Variants in ST18 observed in about 807,000 individuals in gnomAD.
The protein encoded by ST18 is suppression of tumorigenicity 18 protein.
A neutral mutation model predicts 110.0 loss-of-function variants in ST18; 50 were observed. The observed-to-expected ratio is 0.45, with a 90% CI of 0.36 to 0.58. ST18 has a LOEUF of 0.58. Among genes scored for constraint, ST18 ranks in the 20% least tolerant of loss-of-function variants. ST18 has a pLI of 0.00. For synonymous variants in ST18, 461 were observed against 452.4 expected, an observed-to-expected ratio of 1.02 and a Z score of -0.24; for missense variants, 1,306 against 1,280.1, an observed-to-expected ratio of 1.02 and a Z score of -0.31.
chr8:52,283,760 A>C (rs1226371877), intron 2 of ST18, among the ~76,000 whole-genome samples: 1 of 152,164 alleles, frequency 6.6e-6, no homozygotes, highest in African/African-American at 2.4e-5. Context: ...AGTGAACTGT[A>C]CGTCACATCC....
At chr8:52,338,923 C>T (rs559407846) in intron 2 of ST18, among the ~76,000 whole-genome samples, 32 of 151,436 alleles carry the variant, frequency 2.1e-4, no homozygotes, top group Non-Finnish European at 4.4e-4. Context: ...TTTTTTTGTG[C>T]TGGGGGAGAC....
intron 2 of ST18, among the ~76,000 whole-genome samples, chr8:52,385,718 T>C (rs546118453): frequency 6.8e-5 from 9 of 132,070 alleles, no homozygotes; most frequent in African/African-American, 2.6e-4. Flanking sequence ...GAAAACAAAT[T>C]AGAAAAAAAA....
At chr8:52,215,658 A>C (rs535979103) in intron 6 of ST18, among the ~76,000 whole-genome samples, 3 of 152,370 alleles carry the variant, frequency 2.0e-5, no homozygotes, top group African/African-American at 7.2e-5. Flanking sequence ...GTCCATTGTT[A>C]TGAATACTTT....
At chr8:52,323,173 T>A (rs1804773424) in intron 2 of ST18, among the ~76,000 whole-genome samples, 1 of 151,930 alleles carries the variant, frequency 6.6e-6, no homozygotes, top group African/African-American at 2.4e-5. Flanking sequence ...ATGTCTAGAA[T>A]TATGAATTTT....
chr8:52,300,618 G>T (rs1283514149), intron 2 of ST18, among the ~76,000 whole-genome samples: 1 of 152,018 alleles, frequency 6.6e-6, no homozygotes, highest in Non-Finnish European at 1.5e-5. Flanking sequence ...TTTAATAGTT[G>T]GGGGGAAATG....
intron 2 of ST18, among the ~76,000 whole-genome samples, chr8:52,402,184 C>T (rs1211067878): frequency 6.6e-6 from 1 of 152,160 alleles, no homozygotes; most frequent in African/African-American, 2.4e-5. Context: ...TTGTCATTTT[C>T]CCCACAGTGG....
chr8:52,168,636 C>T (rs1408298528), intron 10 of ST18, among the ~76,000 whole-genome samples: 2 of 152,080 alleles, frequency 1.3e-5, no homozygotes, highest in African/African-American at 2.4e-5. Context: ...GAGCAACGAA[C>T]GGCCAGATGA....
At chr8:52,113,878 C>G (rs2041368906) in intron 25 of ST18, among the ~76,000 whole-genome samples, 3 of 145,524 alleles carry the variant, frequency 2.1e-5, no homozygotes, top group Admixed American at 1.4e-4. Context: ...GGCATCATTG[C>G]AATATACTTT....
chr8:52,128,025 G>A (rs931787087), intron 22 of ST18, among the ~76,000 whole-genome samples: 3 of 151,626 alleles, frequency 2.0e-5, no homozygotes, highest in Non-Finnish European at 4.4e-5. Context: ...GCTGAAGTGC[G>A]CTGGCACAAT....
intron 2 of ST18, among the ~76,000 whole-genome samples, chr8:52,360,209 C>T (rs1164054495): frequency 6.6e-6 from 1 of 151,938 alleles, no homozygotes; most frequent in Middle Eastern, 3.2e-3. Context: ...TGTACTCATA[C>T]CTACATAGAT....
chr8:52,317,368 G>A (rs2096050054), intron 2 of ST18, among the ~76,000 whole-genome samples: 1 of 152,210 alleles, frequency 6.6e-6, no homozygotes, highest in Non-Finnish European at 1.5e-5. Flanking sequence ...GAGTGAAGCT[G>A]CCACAAGTCA....
At chr8:52,211,294 G>A (rs1327223356) in intron 8 of ST18, among the ~76,000 whole-genome samples, 1 of 151,740 alleles carries the variant, frequency 6.6e-6, no homozygotes. Flanking sequence ...TGACGAAAAT[G>A]CTTGAATCCA....
In ST18 at chr8:52,171,675, ATTT is replaced by A; in HGVS notation, c.1069+114_1069+116del. On this transcript the variant is annotated intron_variant, in intron 10 of 25. Coordinates refer to ENST00000689386, the MANE Select transcript of ST18 (RefSeq NM_001352837.2). ...TTGTTTATTTTATAATTATAAATTGATTTTTAAGTTGCATTAAACTGTTAAAAA... is the reference window on the plus strand; with the variant it reads ...TTGTTTATTTTATAATTATAAATTGATTAAGTTGCATTAAACTGTTAAAAA... 3.0e-6 allele frequency: 3 copies of A among 1,013,492 alleles called. No homozygotes were observed. In the South Asian group the frequency reaches 4.3e-5, roughly 15 times the overall value. 62.8% of individuals were successfully genotyped at this position (1,013,492 alleles called of 1,614,324 possible). A position where few individuals can be genotyped will look rare whatever the true frequency, so the allele number is the denominator to read the frequency against.
intron 2 of ST18, chr8:52,406,787 T>C (rs1179758832): frequency 6.6e-6 from 1 of 152,222 alleles, no homozygotes; most frequent in African/African-American, 2.4e-5. Context: ...TCAAGGGCAC[T>C]TTTGACTAGA....
At chr8:52,223,660 T>A (rs2087929005) in intron 3 of ST18, among the ~76,000 whole-genome samples, 1 of 150,626 alleles carries the variant, frequency 6.6e-6, no homozygotes, top group South Asian at 2.1e-4. Context: ...AAAAAAAAAA[T>A]TTACTTATGG....
chr8:52,178,645 C>CAAAAAAAAAAAAAAA (rs1563897561), intron 9 of ST18, among the ~76,000 whole-genome samples: 5 of 30,120 alleles, frequency 1.7e-4, no homozygotes, highest in African/African-American at 5.0e-4. Context: ...AAAAAAAAAC[C>CAAAAAAAAAAAAAAA]ACCAAAAACC....
intron 2 of ST18, among the ~76,000 whole-genome samples, chr8:52,274,094 G>A (rs2095161536): frequency 6.6e-6 from 1 of 152,008 alleles, no homozygotes; most frequent in African/African-American, 2.4e-5. Flanking sequence ...CAGATAACCT[G>A]GCAAACTTTT....
chr8:52,369,973 G>A (rs6473723), intron 2 of ST18, among the ~76,000 whole-genome samples: 149,902 of 152,334 alleles, frequency 0.98, 73,801 homozygotes, highest in Middle Eastern at 1. Flanking sequence ...GCCAAAGAAT[G>A]TTCACCTAGT....
In ST18 at chr8:52,230,093, G is replaced by A. The variant is rs74943041; in HGVS notation, c.-464-16C>T. 0.015 allele frequency: 2,266 copies of A among 152,518 alleles called. 27 individuals are homozygous for A. Among genetic ancestry groups the A allele is most frequent in the Non-Finnish European group, 0.023 (1,548 of 67,994 alleles). The allele number at this position is 152,518 out of a possible 1,614,324, so 9.4% of individuals were successfully genotyped here. A position where few individuals can be genotyped will look rare whatever the true frequency, so the allele number is the denominator to read the frequency against. On this transcript the variant is annotated splice_polypyrimidine_tract_variant and intron_variant, in intron 2 of 25. Transcript: ENST00000689386. ...TCCATCACTCCTGAGGAAAAGCATC[G>A]GAGGAGGAAAAATGGAAAGAAAAAC...
Sources: allele counts gnomAD v4.1 joint callset (sites outside exome capture counted in the v4.1 genomes callset), GRCh38; gene constraint gnomAD v4.1.1; transcripts MANE v1.5; gene names NCBI Gene and HGNC (gene_info 2026-07-23, HGNC 2026-07-21).